Variants in SPAG17 observed in about 807,000 individuals in gnomAD.
The protein encoded by SPAG17 is sperm-associated antigen 17.
SPAG17 carries 169 observed loss-of-function variants against 273.6 expected under a neutral mutation model. The ratio of observed to expected loss-of-function variants is 0.62; its 90% confidence interval spans 0.55 to 0.70. SPAG17 has a LOEUF of 0.70. Among genes scored for constraint, SPAG17 ranks in the 30% least tolerant of loss-of-function variants. The probability of loss-of-function intolerance (pLI) is 0.00; values close to 1 mark genes in which losing one functional copy is unlikely to be tolerated. For missense variants in SPAG17, 2,557 were observed against 2,627.8 expected (o/e 0.97, Z 0.59); for synonymous variants, 825 against 873.2 (o/e 0.94, Z 0.97).
At chr1:118,045,426 T>G (rs768000365) in intron 20 of SPAG17, among the ~76,000 whole-genome samples, 36 of 152,222 alleles carry the variant, frequency 2.4e-4, no homozygotes, top group Non-Finnish European at 4.6e-4. Context: ...CTGAACTAAG[T>G]TGGTGAATGC....
rs190195693 is a variant in SPAG17 at position 117,996,344 on chromosome 1, C to T, written c.5053+26G>A. On this transcript the variant is annotated intron_variant, in intron 34 of 48. Coordinates refer to ENST00000336338, the MANE Select transcript of SPAG17 (RefSeq NM_206996.4). ...TGAGAATTGGCAAAGAGACACCGTG[C>T]ATTCCAGACAGTATGGGTCCTCTAC... 7.6e-4 allele frequency: 1,202 copies of T among 1,590,156 alleles called. 8 individuals are homozygous for T. The African/African-American group carries it at 0.015, about 20-fold the overall frequency.
At chr1:118,058,546 T>C (rs1651946743) in intron 18 of SPAG17, among the ~76,000 whole-genome samples, 1 of 152,170 alleles carries the variant, frequency 6.6e-6, no homozygotes, top group African/African-American at 2.4e-5. Flanking sequence ...CAAACGAAAT[T>C]ATGCAGAAAG....
chr1:118,113,195 T>C (rs1189413558), intron 4 of SPAG17, among the ~76,000 whole-genome samples: 1 of 152,138 alleles, frequency 6.6e-6, no homozygotes, highest in Non-Finnish European at 1.5e-5. Context: ...TACACAGATA[T>C]GTTGATGTTA....
At chr1:118,109,683 C>T (rs1203719390) in intron 4 of SPAG17, among the ~76,000 whole-genome samples, 2 of 151,810 alleles carry the variant, frequency 1.3e-5, no homozygotes, top group African/African-American at 4.8e-5. Flanking sequence ...AGAAAACATA[C>T]TCACAGAGTT....
intron 46 of SPAG17, among the ~76,000 whole-genome samples, chr1:117,968,644 A>C (rs186595913): frequency 6.6e-6 from 1 of 152,354 alleles, no homozygotes; most frequent in Admixed American, 6.5e-5. Context: ...TCAGAGCATT[A>C]ACTGAACTGC....
chr1:118,091,730 A>G lies in SPAG17; in HGVS notation c.1247-12T>C. ...GATGACTGAAGTCACTGTAAAATAT[A>G]GAAAATACCATTGCCCAATTAAGTT... On this transcript the variant is annotated splice_polypyrimidine_tract_variant and intron_variant, in intron 9 of 48. Transcript: ENST00000336338. The G allele has an allele frequency of 6.6e-7, 1 of 1,516,784 alleles. No individual in the cohort carries two copies. Among genetic ancestry groups the G allele is most frequent in the Non-Finnish European group, 9.1e-7 (1 of 1,093,296 alleles). 94.0% of individuals were successfully genotyped at this position (1,516,784 alleles called of 1,614,324 possible).
intron 24 of SPAG17, among the ~76,000 whole-genome samples, chr1:118,034,382 T>A (rs888718180): frequency 2.6e-5 from 4 of 152,222 alleles, no homozygotes; most frequent in African/African-American, 9.6e-5. Context: ...CACCTTTCCA[T>A]AAATGGAAAA....
intron 1 of SPAG17, among the ~76,000 whole-genome samples, chr1:118,169,343 A>G (rs1660313804): frequency 6.6e-6 from 1 of 152,166 alleles, no homozygotes; most frequent in Non-Finnish European, 1.5e-5. Flanking sequence ...CATTAAAACA[A>G]CCTTTGTGTG....
chr1:118,098,868 AT>A (rs1655880815), intron 6 of SPAG17, among the ~76,000 whole-genome samples: 1 of 152,198 alleles, frequency 6.6e-6, no homozygotes, highest in Admixed American at 6.5e-5. Context: ...ATGTAGTGTT[AT>A]AAAAATTGGG....
At chr1:118,156,525 G>A (rs756807496) in intron 1 of SPAG17, among the ~76,000 whole-genome samples, 1 of 152,156 alleles carries the variant, frequency 6.6e-6, no homozygotes, top group African/African-American at 2.4e-5. Flanking sequence ...AGTAACAATG[G>A]TTTGGGAATT....
intron 3 of SPAG17, among the ~76,000 whole-genome samples, chr1:118,144,709 A>G (rs980790904): frequency 6.6e-6 from 1 of 152,182 alleles, no homozygotes; most frequent in Non-Finnish European, 1.5e-5. Context: ...TGAAGGACTG[A>G]TGTGGAACGG....
chr1:118,044,145 T>C (rs1246552185), intron 20 of SPAG17, among the ~76,000 whole-genome samples: 1 of 152,220 alleles, frequency 6.6e-6, no homozygotes, highest in African/African-American at 2.4e-5. Flanking sequence ...TACATATATG[T>C]ATACTTTTGT....
chr1:118,118,417 G>A (rs1426959145), intron 3 of SPAG17, among the ~76,000 whole-genome samples: 1 of 152,270 alleles, frequency 6.6e-6, no homozygotes, highest in East Asian at 1.9e-4. Flanking sequence ...TGCTTGGGGA[G>A]TAATTAGGCA....
chr1:118,125,627 T>C (rs1300584271), intron 3 of SPAG17, among the ~76,000 whole-genome samples: 4 of 152,242 alleles, frequency 2.6e-5, no homozygotes, highest in Admixed American at 1.3e-4. Flanking sequence ...CATGTGGTAT[T>C]TATCTGTCTG....
chr1:118,030,726 A>G (rs908744853), intron 25 of SPAG17, among the ~76,000 whole-genome samples: 1 of 152,102 alleles, frequency 6.6e-6, no homozygotes, highest in African/African-American at 2.4e-5. Context: ...TTTGCTGAGA[A>G]TGATGGTTTC....
At chr1:117,967,343 AC>A (rs1251814256) in intron 46 of SPAG17, among the ~76,000 whole-genome samples, 1 of 151,374 alleles carries the variant, frequency 6.6e-6, no homozygotes, top group African/African-American at 2.4e-5. Flanking sequence ...CTTGGTGACT[AC>A]CATAACTTTC....
intron 15 of SPAG17, among the ~76,000 whole-genome samples, chr1:118,079,311 A>G (rs1453647420): frequency 6.6e-6 from 1 of 152,060 alleles, no homozygotes; most frequent in Non-Finnish European, 1.5e-5. Flanking sequence ...ATTCTTTTCC[A>G]GTAACAGCCC....
At chr1:118,127,288 A>G (rs1168007635) in intron 3 of SPAG17, among the ~76,000 whole-genome samples, 1 of 152,186 alleles carries the variant, frequency 6.6e-6, no homozygotes, top group Non-Finnish European at 1.5e-5. Flanking sequence ...AAGAGGTTTA[A>G]TTGACTGACA....
chr1:118,078,616 C>A (rs1654294416), intron 15 of SPAG17, among the ~76,000 whole-genome samples: 1 of 152,030 alleles, frequency 6.6e-6, no homozygotes, highest in Non-Finnish European at 1.5e-5. Context: ...ACCTCTGATG[C>A]AATATTGAAT....
Sources: gnomAD v4.1 joint callset for allele counts (sites outside exome capture counted in the v4.1 genomes callset) on GRCh38, gnomAD v4.1.1 for gene constraint, MANE v1.5 for transcripts, NCBI Gene and HGNC (gene_info 2026-07-23, HGNC 2026-07-21) for gene names.